Variants in PIP4K2C observed in about 807,000 individuals in gnomAD.
PIP4K2C encodes the protein phosphatidylinositol-5-phosphate 4-kinase type 2 gamma.
PIP4K2C carries 21 observed loss-of-function variants against 45.0 expected under a neutral mutation model. The ratio of observed to expected loss-of-function variants is 0.47; its 90% CI spans 0.33 to 0.67. The LOEUF is 0.67. Among genes scored for constraint, PIP4K2C ranks in the 30% least tolerant of loss-of-function variants. The pLI, the probability that PIP4K2C is intolerant of heterozygous loss-of-function variation, is 0.02. For synonymous variants in PIP4K2C, 201 were observed against 204.8 expected (o/e 0.98, Z 0.16); for missense variants, 456 against 542.8 (o/e 0.84, Z 1.59).
At chr12:57,596,511 AAAAG>A (rs1479577602) in intron 4 of PIP4K2C, among the ~76,000 whole-genome samples, 2 of 151,862 alleles carry the variant, frequency 1.3e-5, no homozygotes, top group Non-Finnish European at 2.9e-5. Context: ...ATTAAAAAAA[AAAAG>A]ATTTACTTGG....
intron 1 of PIP4K2C, 38 bp downstream of exon 1, chr12:57,591,501 A>C: frequency 1.3e-6 from 2 of 1,537,444 alleles, no homozygotes; most frequent in Non-Finnish European, 8.8e-7. Flanking sequence ...CCCTGTCCAA[A>C]CCCCTCGGCT....
At chr12:57,598,595 A>G (rs1251602460) in intron 4 of PIP4K2C, among the ~76,000 whole-genome samples, 1 of 149,304 alleles carries the variant, frequency 6.7e-6, no homozygotes, top group Admixed American at 6.7e-5. Flanking sequence ...AGGTATAAAA[A>G]TCTGTATTTA....
chr12:57,597,481 A>T (rs574177225), intron 4 of PIP4K2C, among the ~76,000 whole-genome samples: 1 of 152,380 alleles, frequency 6.6e-6, no homozygotes, highest in South Asian at 2.1e-4. Context: ...TCTGCAATTC[A>T]TCCAGATGAG....
Position 57,600,311 on chromosome 12 carries a change from T to G in PIP4K2C, c.700-13T>G. The G allele has an allele frequency of 6.5e-7, 1 of 1,534,476 alleles. No individual in the cohort carries two copies. The highest frequency in any genetic ancestry group is 9.0e-7 in the Non-Finnish European group (1 of 1,111,118). On this transcript the variant is annotated splice_polypyrimidine_tract_variant and intron_variant, in intron 6 of 9. Coordinates refer to ENST00000354947, the MANE Select transcript of PIP4K2C (RefSeq NM_024779.5). ...GGGATATGTTCCCAAGATGTCCCTT[T>G]ACATATTCTTAGGTTAAAGAATTGC...
At chr12:57,595,704 A>C (rs79555953) in intron 3 of PIP4K2C, among the ~76,000 whole-genome samples, 184 bp from the exon 4 acceptor site, 1 of 4,260 alleles carries the variant, frequency 2.3e-4, no homozygotes, top group Non-Finnish European at 8.6e-3. Flanking sequence ...CTCCTTGTCA[A>C]AAAAAAAAAA....
chr12:57,596,500 G>GA (rs1883201727), intron 4 of PIP4K2C, among the ~76,000 whole-genome samples: 2 of 93,236 alleles, frequency 2.1e-5, no homozygotes, highest in Non-Finnish European at 5.4e-5. Flanking sequence ...AAAAAAAAAA[G>GA]ATTAAAAAAA....
intron 7 of PIP4K2C, 114 bp downstream of exon 7, chr12:57,600,551 C>G (rs868019766): frequency 1.2e-6 from 1 of 828,898 alleles, no homozygotes; most frequent in Non-Finnish European, 1.9e-6. Context: ...TTCTTCAGGT[C>G]CTCTGCCTAT....
At position 57,601,935 on chromosome 12, in the gene PIP4K2C, G is replaced by A. The variant is rs1883460093; in HGVS notation, c.*329G>A. The A allele has an allele frequency of 3.2e-6, 1 of 313,534 alleles. No individual in the cohort carries two copies. The highest frequency in any genetic ancestry group is 4.0e-5 in the South Asian group (1 of 25,102). 19.4% of individuals were successfully genotyped at this position (313,534 alleles called of 1,614,324 possible). A position where few individuals can be genotyped will look rare whatever the true frequency, so the allele number is the denominator to read the frequency against. On this transcript the variant is annotated 3_prime_UTR_variant, in exon 10 of 10. Coordinates refer to ENST00000354947, the MANE Select transcript of PIP4K2C (RefSeq NM_024779.5). ...TGTTTCTATGATATAGGAGCTAGGG[G>A]AAGGGGGTTGTTTGCCTTCTTCAGG... is the stretch of plus-strand genomic sequence containing the variant.
At chr12:57,601,192 G>A in intron 8 of PIP4K2C, 53 bp from the exon 9 acceptor site, 1 of 1,589,508 alleles carries the variant, frequency 6.3e-7, no homozygotes, top group Non-Finnish European at 8.6e-7. Context: ...ACTGCTTCCT[G>A]GAGAAAGGGA....
chr12:57,591,792 A>G (rs543352964), intron 1 of PIP4K2C, among the ~76,000 whole-genome samples: 12 of 151,840 alleles, frequency 7.9e-5, no homozygotes, highest in Middle Eastern at 3.4e-3. Context: ...CGGGGAGGAC[A>G]TTAGGGGGAG....
chr12:57,599,239 G>T (rs748888490), intron 5 of PIP4K2C, 28 bp downstream of exon 5: 4 of 1,612,768 alleles, frequency 2.5e-6, no homozygotes, highest in Non-Finnish European at 3.4e-6. Flanking sequence ...CGGACTTAGA[G>T]GGAGGCTCCT....
In PIP4K2C at chr12:57,591,264, C is replaced by T; in HGVS notation, c.-26C>T. On this transcript the variant is annotated 5_prime_UTR_variant, in exon 1 of 10. Coordinates refer to ENST00000354947, the MANE Select transcript of PIP4K2C (RefSeq NM_024779.5). ...CCTGGATAGCTGCCGGCTCCGGCTT[C>T]CACTTGGTCGGTTGCGCGGGAGACT... The T allele has an allele frequency of 6.3e-7, 1 of 1,584,974 alleles. No homozygotes were observed. The highest frequency in any genetic ancestry group is 8.6e-7 in the Non-Finnish European group (1 of 1,161,072).
rs763157734 is a variant in PIP4K2C at position 57,601,289 on chromosome 12, C to G, written c.1126C>G (p.Leu376Val). 1.2e-6 allele frequency: 2 copies of G among 1,614,102 alleles called. No individual in the cohort carries two copies. The highest frequency in any genetic ancestry group is 1.7e-6 in the Non-Finnish European group (2 of 1,179,972). Residue 376 changes from leucine (L) to valine (V), a missense_variant, in exon 9 of 10, where the codon CTT becomes GTT. Around this residue, in one of 2 missense-constraint regions of PIP4K2C, gnomAD observed 35 missense variants for 69.7 expected, o/e 0.50. Coordinates refer to ENST00000354947, the MANE Select transcript of PIP4K2C (RefSeq NM_024779.5). ...CTACTTCATGGGCCTCATTGATATC[C>G]TTACACAGTATGATGCTAAGAAGAA... ...EVYFMGLIDI[L>V]TQYDAKKKAA...
At position 57,591,269 on chromosome 12, in the gene PIP4K2C, TGGTC is replaced by T. The variant is rs755959818; in HGVS notation, c.-17_-14del. 53 of 1,589,466 alleles carry T rather than the reference TGGTC, an allele frequency of 3.3e-5. No individual in the cohort carries two copies. The African/African-American group carries it at 5.7e-4, about 17-fold the overall frequency. ...ATAGCTGCCGGCTCCGGCTTCCACT[TGGTC>T]GGTTGCGCGGGAGACTATGGCGTCC... is the stretch of plus-strand genomic sequence containing the variant. On this transcript the variant is annotated 5_prime_UTR_variant, in exon 1 of 10. Transcript: ENST00000354947.
intron 8 of PIP4K2C, 68 bp downstream of exon 8, chr12:57,601,146 G>T (rs2277320): frequency 1.3e-6 from 2 of 1,598,734 alleles, no homozygotes; most frequent in Non-Finnish European, 1.7e-6. Flanking sequence ...CCAGAGTGCT[G>T]GGGGAGAGCC....
intron 3 of PIP4K2C, among the ~76,000 whole-genome samples, 154 bp from the exon 4 acceptor site, chr12:57,595,732 TCA>T (rs1280765714): frequency 6.6e-6 from 1 of 151,550 alleles, no homozygotes; most frequent in Non-Finnish European, 1.5e-5. Context: ...AATTTTGCAT[TCA>T]GTTTCCTTCA....
intron 1 of PIP4K2C, among the ~76,000 whole-genome samples, chr12:57,593,689 T>G (rs1026331402): frequency 1.2e-5 from 1 of 82,496 alleles, no homozygotes; most frequent in African/African-American, 4.2e-5. Context: ...TTTTTTTTTT[T>G]TTTTTTTTTT....
In PIP4K2C at chr12:57,593,519, G is replaced by T. The variant is rs1345835969; in HGVS notation, c.175-506G>T. On this transcript the variant is annotated intron_variant, in intron 1 of 9. Coordinates refer to ENST00000354947, the MANE Select transcript of PIP4K2C (RefSeq NM_024779.5). ...GGGTCAGAGTGGTCTAGGAAGACTGGTCCTGTTTGCAAAGAGATGCCTTTT... is the reference window on the plus strand; with the variant it reads ...GGGTCAGAGTGGTCTAGGAAGACTGTTCCTGTTTGCAAAGAGATGCCTTTT... Among the ~76,000 whole-genome samples the T allele has an allele frequency of 4.6e-5, 7 of 152,076 alleles. 1 individual carries two copies.
At chr12:57,594,966 C>G (rs1022782989) in intron 2 of PIP4K2C, among the ~76,000 whole-genome samples, 160 bp from the exon 3 acceptor site, 1 of 151,606 alleles carries the variant, frequency 6.6e-6, no homozygotes, top group South Asian at 2.1e-4. Context: ...GAGACTCTGT[C>G]TCAAAAAATA....
Sources: gnomAD v4.1 joint callset for allele counts (sites outside exome capture counted in the v4.1 genomes callset) on GRCh38, gnomAD v4.1.1 for gene constraint, gnomAD v4.1.1 regional missense constraint, MANE v1.5 for transcripts, NCBI Gene and HGNC (gene_info 2026-07-23, HGNC 2026-07-21) for gene names.